Variants in FGF14 observed in about 807,000 individuals in gnomAD.
FGF14 encodes the protein fibroblast growth factor 14.
A neutral mutation model predicts 25.5 loss-of-function variants in FGF14; 5 were observed. The observed-to-expected ratio is 0.20, with a 90% CI of 0.10 to 0.41. The LOEUF is 0.41. Among genes scored for constraint, FGF14 ranks in the 10% least tolerant of loss-of-function variants. The pLI, the probability that FGF14 is intolerant of heterozygous loss-of-function variation, is 1.00. For missense variants in FGF14, 222 were observed against 320.1 expected (o/e 0.69, Z 2.34); for synonymous variants, 138 against 118.3 (o/e 1.17, Z -1.08).
chr13:102,155,913 A>T (rs1471701031), intron 1 of FGF14, among the ~76,000 whole-genome samples: 1 of 152,228 alleles, frequency 6.6e-6, no homozygotes, highest in East Asian at 1.9e-4. Context: ...ATCTAGAAGA[A>T]ATGGATACAT....
intron 1 of FGF14, among the ~76,000 whole-genome samples, chr13:102,021,720 T>A (rs2040662103): frequency 6.6e-6 from 1 of 152,128 alleles, no homozygotes; most frequent in Non-Finnish European, 1.5e-5. Context: ...ACAGATGAGA[T>A]AATTTATACT....
rs1033094100 is a variant in FGF14, at chr13:101,717,597, G to A, written c.*5234C>T. The stretch of plus-strand genomic sequence containing the variant: ...GACCTTTGGATTTCTCTATCACGGC[G>A]CTTATCCTCCTATTAAGGATCAGAA... On this transcript the variant is annotated 3_prime_UTR_variant, in exon 5 of 5. Coordinates refer to ENST00000376143, the MANE Select transcript of FGF14 (RefSeq NM_004115.4). 6.6e-6 allele frequency: 1 copy of A among 152,072 alleles called. No homozygotes were observed. The highest frequency in any genetic ancestry group is 2.4e-5 in the African/African-American group (1 of 41,418). 9.4% of individuals were successfully genotyped at this position (152,072 alleles called of 1,614,324 possible). A position where few individuals can be genotyped will look rare whatever the true frequency, so the allele number is the denominator to read the frequency against.
At chr13:102,082,725 C>A (rs1044907597) in intron 1 of FGF14, among the ~76,000 whole-genome samples, 1 of 151,980 alleles carries the variant, frequency 6.6e-6, no homozygotes, top group African/African-American at 2.4e-5. Flanking sequence ...GAGGCCGAGG[C>A]GGGCGGATCA....
At chr13:101,751,273 AGGGAAATAGGT>A (rs1366850873) in intron 3 of FGF14, among the ~76,000 whole-genome samples, 1 of 152,168 alleles carries the variant, frequency 6.6e-6, no homozygotes, top group African/African-American at 2.4e-5. Context: ...GATGTGAATA[AGGGAAATAGGT>A]GGAGGGAGGG....
At chr13:101,859,173 G>A (rs1428944258) in intron 3 of FGF14, among the ~76,000 whole-genome samples, 7 of 152,068 alleles carry the variant, frequency 4.6e-5, no homozygotes, top group Admixed American at 2.6e-4. Flanking sequence ...GAAGCCACTC[G>A]AGGAATAAAT....
intron 3 of FGF14, among the ~76,000 whole-genome samples, chr13:101,837,868 T>A (rs572577597): frequency 2.2e-4 from 33 of 152,092 alleles, no homozygotes; most frequent in African/African-American, 7.2e-4. Context: ...GTCAGTGGAC[T>A]GGGAATGCAG....
intron 1 of FGF14, among the ~76,000 whole-genome samples, chr13:101,991,957 C>G (rs1297534427): frequency 1.3e-5 from 2 of 152,100 alleles, no homozygotes; most frequent in Non-Finnish European, 2.9e-5. Flanking sequence ...CAGAGTCTAA[C>G]TGATTAGGGT....
In FGF14 at chr13:101,875,233, T is replaced by C. The variant is rs776246675; in HGVS notation, c.257A>G (p.His86Arg). ...YCRQGYYLQM[H>R]PDGALDGTKD... ...GGTTCCATCGAGAGCTCCATCGGGGTGCATTTGCAAGTAGTAGCCTTGCCT... is the reference window on the plus strand; with the variant it reads ...GGTTCCATCGAGAGCTCCATCGGGGCGCATTTGCAAGTAGTAGCCTTGCCT... The change falls in exon 2 of 5, where the codon CAC becomes CGC. Residue 86 changes from histidine to arginine, a missense_variant. This residue lies in a region of FGF14 where 50 missense variants were observed against 75.2 expected (regional missense o/e 0.66). Transcript: ENST00000376143. 3 of 1,613,372 alleles carry C rather than the reference T, an allele frequency of 1.9e-6. No individual in the cohort carries two copies. Among genetic ancestry groups the C allele is most frequent in the African/African-American group, 2.7e-5 (2 of 74,872 alleles).
At chr13:101,891,487 C>A (rs911879341) in intron 1 of FGF14, among the ~76,000 whole-genome samples, 1 of 152,174 alleles carries the variant, frequency 6.6e-6, no homozygotes, top group African/African-American at 2.4e-5. Context: ...TTCCCATATG[C>A]AGTCACCATG....
intron 1 of FGF14, among the ~76,000 whole-genome samples, chr13:102,022,861 G>T (rs765600082): frequency 6.6e-6 from 1 of 152,022 alleles, no homozygotes; most frequent in Admixed American, 6.6e-5. Flanking sequence ...AACTTTAAAT[G>T]TAACTTCCCA....
intron 1 of FGF14, among the ~76,000 whole-genome samples, chr13:102,042,318 T>G (rs1477573943): frequency 6.6e-6 from 1 of 152,186 alleles, no homozygotes; most frequent in Non-Finnish European, 1.5e-5. Flanking sequence ...TCATTATCAA[T>G]AAATTAGTAC....
intron 3 of FGF14, among the ~76,000 whole-genome samples, chr13:101,778,344 A>G (rs1175092718): frequency 6.6e-6 from 1 of 152,164 alleles, no homozygotes; most frequent in Non-Finnish European, 1.5e-5. Flanking sequence ...CACCATGTGA[A>G]TGTTGCAACA....
intron 1 of FGF14, among the ~76,000 whole-genome samples, chr13:102,004,901 T>C (rs1385491948): frequency 6.6e-6 from 1 of 152,184 alleles, no homozygotes; most frequent in East Asian, 1.9e-4. Flanking sequence ...CGTCCCCTTC[T>C]GATATGACTG....
At chr13:101,827,283 T>C (rs2042434550) in intron 3 of FGF14, among the ~76,000 whole-genome samples, 1 of 151,986 alleles carries the variant, frequency 6.6e-6, no homozygotes, top group South Asian at 2.1e-4. Flanking sequence ...ATATTTACAA[T>C]GCACATAGCT....
At chr13:101,955,687 G>T (rs2036469729) in intron 1 of FGF14, among the ~76,000 whole-genome samples, 1 of 152,198 alleles carries the variant, frequency 6.6e-6, no homozygotes, top group Non-Finnish European at 1.5e-5. Flanking sequence ...GTGGACAGCT[G>T]ATTTCAATGG....
At chr13:102,123,096 C>T (rs1421462395) in intron 1 of FGF14, among the ~76,000 whole-genome samples, 1 of 152,120 alleles carries the variant, frequency 6.6e-6, no homozygotes, top group Non-Finnish European at 1.5e-5. Flanking sequence ...CCTAGAAAGA[C>T]AGACGGATGG....
At chr13:102,379,591 G>T (rs1459888713) in intron 1 of FGF14, among the ~76,000 whole-genome samples, 1 of 151,786 alleles carries the variant, frequency 6.6e-6, no homozygotes, top group African/African-American at 2.4e-5. Context: ...ATAGTTCAGT[G>T]GTCAAACATT....
At position 102,081,365 on chromosome 13, in the gene FGF14, G is replaced by T. The variant is rs1249039353; in HGVS notation, c.209-206069C>A. 8.5e-5 allele frequency among the ~76,000 whole-genome samples: 13 copies of T among 152,290 alleles called. No homozygotes were observed. In the East Asian group the frequency reaches 1.7e-3, roughly 20 times the overall value. ...AAAGGAATAACACTCTGATTACAGG[G>T]TGTAGGCATCAACTAGTAAGGAAGA... On this transcript the variant is annotated intron_variant, in intron 1 of 4. Coordinates refer to the FGF14 transcript ENST00000376131.
At chr13:102,010,858 C>T (rs1033740320) in intron 1 of FGF14, among the ~76,000 whole-genome samples, 2 of 152,162 alleles carry the variant, frequency 1.3e-5, no homozygotes, top group African/African-American at 4.8e-5. Flanking sequence ...TGCTCAATTT[C>T]AATCATCTGT....
Sources: gnomAD v4.1 joint callset for allele counts (sites outside exome capture counted in the v4.1 genomes callset) on GRCh38, gnomAD v4.1.1 for gene constraint, gnomAD v4.1.1 regional missense constraint, MANE v1.5 for transcripts, NCBI Gene and HGNC (gene_info 2026-07-23, HGNC 2026-07-21) for gene names.